The following ROBO2 variants were observed in gnomAD, a reference collection of about 807,000 sequenced individuals.
ROBO2 encodes the protein roundabout guidance receptor 2, also known as roundabout homolog 2.
ROBO2 carries 53 observed loss-of-function variants against 160.8 expected under a neutral mutation model. The observed-to-expected ratio is 0.33, with a 90% confidence interval of 0.26 to 0.41. The LOEUF (loss-of-function observed/expected upper bound fraction) is 0.41, where lower values mean the gene tolerates loss of function less well. Among genes scored for constraint, ROBO2 ranks in the 10% least tolerant of loss-of-function variants. The pLI, the probability that ROBO2 is intolerant of heterozygous loss-of-function variation, is 1.00. For missense variants in ROBO2, 1,577 were observed against 1,722.4 expected, an observed-to-expected ratio of 0.92 and a Z score of 1.49; for synonymous variants, 664 against 611.7, an observed-to-expected ratio of 1.09 and a Z score of -1.26.
chr3:77,153,905 C>T (rs1489314280), intron 2 of ROBO2, among the ~76,000 whole-genome samples: 1 of 152,026 alleles, frequency 6.6e-6, no homozygotes, highest in Non-Finnish European at 1.5e-5. Flanking sequence ...CTCTCATAAA[C>T]CAATCTACTC....
At chr3:77,142,986 G>A (rs1464532741) in intron 2 of ROBO2, among the ~76,000 whole-genome samples, 1 of 152,018 alleles carries the variant, frequency 6.6e-6, no homozygotes, top group Non-Finnish European at 1.5e-5. Context: ...AATGAATAAG[G>A]CCGGGAGAAA....
chr3:77,157,124 C>A (rs1462332705), intron 2 of ROBO2, among the ~76,000 whole-genome samples: 1 of 151,944 alleles, frequency 6.6e-6, no homozygotes, highest in Non-Finnish European at 1.5e-5. Context: ...TGTAGAAAAC[C>A]ATATTGTTAT....
At chr3:76,076,306 G>T (rs2068644017) in intron 2 of ROBO2, among the ~76,000 whole-genome samples, 4 of 152,216 alleles carry the variant, frequency 2.6e-5, no homozygotes, top group Non-Finnish European at 4.4e-5. Context: ...GAAGAAAATT[G>T]CAATGGCCTT....
At chr3:77,584,892 A>ATGTGTG (rs71104693) in intron 16 of ROBO2, among the ~76,000 whole-genome samples, 1,593 of 147,336 alleles carry the variant, frequency 0.011, 35 homozygotes, top group African/African-American at 0.036. Context: ...ATATATATGT[A>ATGTGTG]TGTGTGTGTG....
At chr3:76,671,434 T>C (rs2092259592) in intron 2 of ROBO2, among the ~76,000 whole-genome samples, 1 of 152,162 alleles carries the variant, frequency 6.6e-6, no homozygotes, top group Non-Finnish European at 1.5e-5. Context: ...GAAAAGCTAT[T>C]AACTCTTGAG....
exon 26 of ROBO2, chr3:77,646,814 A>G (rs2095415652): frequency 6.6e-6 from 1 of 152,666 alleles, no homozygotes; most frequent in South Asian, 2.1e-4. Context: ...CAGGTAGCAA[A>G]GATGTAATAA....
intron 2 of ROBO2, among the ~76,000 whole-genome samples, chr3:77,140,913 C>T (rs1292113628): frequency 6.6e-6 from 1 of 152,104 alleles, no homozygotes; most frequent in Admixed American, 6.6e-5. Context: ...TAAATCATTA[C>T]CTCCTCACTT....
At chr3:77,427,105 G>A (rs2078289174) in intron 2 of ROBO2, among the ~76,000 whole-genome samples, 1 of 152,148 alleles carries the variant, frequency 6.6e-6, no homozygotes, top group Non-Finnish European at 1.5e-5. Context: ...GGAATGTGCG[G>A]AATATGAGCA....
intron 2 of ROBO2, among the ~76,000 whole-genome samples, chr3:76,109,578 C>T (rs929611598): frequency 2.0e-5 from 3 of 152,004 alleles, no homozygotes; most frequent in African/African-American, 7.2e-5. Context: ...CTCCTGCTTT[C>T]AATGTTTTTC....
chr3:77,035,747 A>T (rs562827645), upstream of ROBO2, among the ~76,000 whole-genome samples: 3 of 151,918 alleles, frequency 2.0e-5, no homozygotes, highest in Non-Finnish European at 4.4e-5. Context: ...TCTGGAACAA[A>T]GTCAAGTGTA....
intron 25 of ROBO2, among the ~76,000 whole-genome samples, chr3:77,645,193 A>G (rs2095400501): frequency 6.6e-6 from 1 of 152,164 alleles, no homozygotes; most frequent in Admixed American, 6.5e-5. Context: ...TAGAGTGTTT[A>G]TCATTTTCTT....
chr3:77,266,361 T>C (rs2059123970), intron 2 of ROBO2, among the ~76,000 whole-genome samples: 1 of 152,078 alleles, frequency 6.6e-6, no homozygotes, highest in Non-Finnish European at 1.5e-5. Context: ...GATCACCTGT[T>C]ATCTCTTCCC....
chr3:77,265,190 C>A (rs1157395952), intron 2 of ROBO2, among the ~76,000 whole-genome samples: 1 of 152,142 alleles, frequency 6.6e-6, no homozygotes, highest in East Asian at 1.9e-4. Context: ...ATCACATTAT[C>A]CCCATTTTCC....
In ROBO2 at chr3:77,563,450, G is replaced by T. The variant is rs1019914761; in HGVS notation, c.1682+121G>T. On this transcript the variant is annotated intron_variant, in intron 11 of 25. Coordinates refer to ENST00000461745, the Ensembl canonical transcript of ROBO2. ...GTCCAATCAATGCATTTTAAGAATT[G>T]ATCTCTTCTCTCTGACTTTATTCAA... The T allele has an allele frequency of 1.7e-5, 17 of 973,944 alleles. No individual in the cohort carries two copies. In the Admixed American group the frequency reaches 1.8e-4, roughly 10 times the overall value. 60.3% of individuals were successfully genotyped at this position (973,944 alleles called of 1,614,324 possible).
chr3:77,187,041 A>G (rs1293067252), intron 2 of ROBO2, among the ~76,000 whole-genome samples: 1 of 151,998 alleles, frequency 6.6e-6, no homozygotes, highest in Non-Finnish European at 1.5e-5. Flanking sequence ...CTTCTGTAAG[A>G]TTCTCATTGA....
intron 19 of ROBO2, among the ~76,000 whole-genome samples, chr3:77,601,614 T>C (rs1003250155): frequency 9.9e-5 from 15 of 152,216 alleles, no homozygotes; most frequent in African/African-American, 3.4e-4. Flanking sequence ...AGTTAAATTC[T>C]GCTATATTGT....
At chr3:76,394,451 C>T (rs763672958) in intron 2 of ROBO2, among the ~76,000 whole-genome samples, 23 of 152,118 alleles carry the variant, frequency 1.5e-4, no homozygotes, top group Non-Finnish European at 3.2e-4. Flanking sequence ...ATATCGGCCC[C>T]CACTCTCTTC....
intron 2 of ROBO2, among the ~76,000 whole-genome samples, chr3:76,968,747 T>C (rs1173287191): frequency 1.3e-5 from 2 of 152,234 alleles, no homozygotes; most frequent in Non-Finnish European, 2.9e-5. Flanking sequence ...AAAACCATCA[T>C]AAATATTATA....
At chr3:76,078,349 C>T (rs751354422) in intron 2 of ROBO2, among the ~76,000 whole-genome samples, 5 of 152,086 alleles carry the variant, frequency 3.3e-5, no homozygotes, top group South Asian at 2.1e-4. Context: ...TAGCAGTAAG[C>T]GATTTATTTA....
Sources: gnomAD v4.1 joint callset for allele counts (sites outside exome capture counted in the v4.1 genomes callset) on GRCh38, gnomAD v4.1.1 for gene constraint, MANE v1.5 for transcripts, NCBI Gene and HGNC (gene_info 2026-07-23, HGNC 2026-07-21) for gene names.